The following TMEM41B variants were observed in gnomAD, a reference collection of about 807,000 sequenced individuals.
The protein encoded by TMEM41B is protein stasimon.
Under a neutral mutation model 31.9 loss-of-function variants are expected in TMEM41B, and 18 were observed. The observed-to-expected ratio is 0.56, with a 90% CI of 0.39 to 0.84. The LOEUF (loss-of-function observed/expected upper bound fraction) is 0.84, where lower values mean the gene tolerates loss of function less well. TMEM41B is among the 40% of genes least tolerant of loss of function. TMEM41B has a pLI of 0.00. For synonymous variants in TMEM41B, 144 were observed against 124.3 expected (o/e 1.16, Z -1.05); for missense variants, 322 against 348.0 (o/e 0.93, Z 0.59).
At chr11:9,311,181 G>T in intron 1 of TMEM41B, 1 of 1,319,926 alleles carries the variant, frequency 7.6e-7, no homozygotes, top group Non-Finnish European at 1.0e-6. Context: ...AGGGTGTGGG[G>T]AGCACAAGGG....
chr11:9,296,509 C>T (rs1214852267), intron 2 of TMEM41B, among the ~76,000 whole-genome samples: 1 of 150,560 alleles, frequency 6.6e-6, no homozygotes, highest in Non-Finnish European at 1.5e-5. Context: ...GCCTGTAATC[C>T]CAGCTACTCA....
chr11:9,288,190 T>C, intron 4 of TMEM41B: 2 of 375,132 alleles, frequency 5.3e-6, no homozygotes, highest in East Asian at 5.6e-5. Flanking sequence ...CAACACTCCT[T>C]GGACTGTCGC....
chr11:9,302,846 T>TA (rs1416462655), intron 1 of TMEM41B, among the ~76,000 whole-genome samples: 3 of 98,132 alleles, frequency 3.1e-5, no homozygotes, highest in African/African-American at 7.9e-5. Context: ...TACTATTTTT[T>TA]AAAAAAAAAT....
intron 3 of TMEM41B, among the ~76,000 whole-genome samples, chr11:9,294,641 A>T (rs1471923778): frequency 6.6e-6 from 1 of 152,162 alleles, no homozygotes; most frequent in Non-Finnish European, 1.5e-5. Context: ...TAAACTCCAC[A>T]ATATGCAAAA....
At chr11:9,311,240 G>A (rs1286933547) in intron 1 of TMEM41B, 2 of 1,487,562 alleles carry the variant, frequency 1.3e-6, no homozygotes, top group African/African-American at 1.4e-5. Context: ...TAGGAGAGCA[G>A]AACTGGTGAG....
At chr11:9,302,470 C>T (rs56081129) in intron 1 of TMEM41B, among the ~76,000 whole-genome samples, 12,702 of 98,796 alleles carry the variant, frequency 0.13, 4,673 homozygotes, top group South Asian at 0.19. Flanking sequence ...TTTTTTTACC[C>T]CCGCAAGAGA....
At chr11:9,304,187 A>C (rs1853325071) in intron 1 of TMEM41B, among the ~76,000 whole-genome samples, 1 of 152,186 alleles carries the variant, frequency 6.6e-6, no homozygotes, top group Non-Finnish European at 1.5e-5. Flanking sequence ...TTTTTGGAAC[A>C]CAGAGAATTA....
chr11:9,310,046 T>TA (rs1055324083), intron 1 of TMEM41B, among the ~76,000 whole-genome samples: 2 of 151,418 alleles, frequency 1.3e-5, no homozygotes, highest in African/African-American at 4.8e-5. Context: ...TTATTATTAT[T>TA]TTTTTTTGAG....
chr11:9,300,513 A>G (rs1853222980), intron 1 of TMEM41B, among the ~76,000 whole-genome samples: 1 of 152,152 alleles, frequency 6.6e-6, no homozygotes, highest in Non-Finnish European at 1.5e-5. Flanking sequence ...TGTTTTGGGT[A>G]CCTCTGCAAC....
intron 1 of TMEM41B, among the ~76,000 whole-genome samples, chr11:9,308,549 T>G (rs1853456387): frequency 6.6e-6 from 1 of 152,178 alleles, no homozygotes; most frequent in Non-Finnish European, 1.5e-5. Context: ...ATCCTTATTC[T>G]TTCCTTATAG....
intron 1 of TMEM41B, among the ~76,000 whole-genome samples, chr11:9,301,134 G>A (rs548870065): frequency 6.8e-4 from 103 of 152,122 alleles, no homozygotes; most frequent in Middle Eastern, 3.4e-3. Flanking sequence ...GATGGCCCAC[G>A]CCTGTAATCC....
intron 2 of TMEM41B, among the ~76,000 whole-genome samples, chr11:9,297,107 T>TA (rs1414149944): frequency 1.3e-5 from 2 of 151,972 alleles, no homozygotes; most frequent in East Asian, 1.9e-4. Context: ...TTTTTTTAGA[T>TA]AGAGTCCTGC....
intron 6 of TMEM41B, 116 bp downstream of exon 6, chr11:9,286,339 G>A (rs1201088384): frequency 9.1e-6 from 10 of 1,095,930 alleles, no homozygotes; most frequent in Middle Eastern, 2.2e-4. Flanking sequence ...TTGTGCCCAA[G>A]AATTCTAGAT....
intron 6 of TMEM41B, among the ~76,000 whole-genome samples, chr11:9,286,217 A>G (rs1483916901): frequency 6.6e-6 from 1 of 151,920 alleles, no homozygotes; most frequent in Non-Finnish European, 1.5e-5. Context: ...ACCCTATATC[A>G]TTAAAACGAT....
intron 1 of TMEM41B, among the ~76,000 whole-genome samples, chr11:9,304,953 G>A (rs751374196): frequency 6.6e-6 from 1 of 151,920 alleles, no homozygotes; most frequent in African/African-American, 2.4e-5. Context: ...ACCACGCCCA[G>A]CAATTTTTTG....
intron 1 of TMEM41B, among the ~76,000 whole-genome samples, chr11:9,303,831 C>A (rs185920759): frequency 9.2e-5 from 14 of 151,806 alleles, no homozygotes; most frequent in African/African-American, 3.4e-4. Context: ...CGAGGATCAA[C>A]TAATTTTTGT....
chr11:9,286,976 G>A (rs1852851312), intron 5 of TMEM41B, among the ~76,000 whole-genome samples: 1 of 150,866 alleles, frequency 6.6e-6, no homozygotes, highest in African/African-American at 2.4e-5. Context: ...CTTCAGCTTG[G>A]GCAACAAGAG....
intron 1 of TMEM41B, among the ~76,000 whole-genome samples, chr11:9,301,324 G>A (rs1425894762): frequency 6.6e-6 from 1 of 152,066 alleles, no homozygotes; most frequent in African/African-American, 2.4e-5. Context: ...GAACCTGGGA[G>A]GCGGAGCTTG....
chr11:9,286,419 A>G (rs776931006), intron 6 of TMEM41B, 36 bp downstream of exon 6: 1 of 1,588,176 alleles, frequency 6.3e-7, no homozygotes, highest in Non-Finnish European at 8.6e-7. Flanking sequence ...ATATGTACAC[A>G]GTGAGCTCAT....
Sources: gnomAD v4.1 joint callset for allele counts (sites outside exome capture counted in the v4.1 genomes callset) on GRCh38, gnomAD v4.1.1 for gene constraint, MANE v1.5 for transcripts, NCBI Gene and HGNC (gene_info 2026-07-23, HGNC 2026-07-21) for gene names.